The following BEND6 variants were observed in gnomAD, a reference collection of about 807,000 sequenced individuals.
BEND6 encodes the protein BEN domain-containing protein 6.
BEND6 carries 24 observed loss-of-function variants against 31.8 expected under a neutral mutation model. The observed-to-expected ratio is 0.75, with a 90% confidence interval of 0.55 to 1.06. The LOEUF (loss-of-function observed/expected upper bound fraction) is 1.06. Among genes scored for constraint, BEND6 ranks in the 50% least tolerant of loss-of-function variants. The pLI, the probability that BEND6 is intolerant of heterozygous loss-of-function variation, is 0.00. For synonymous variants in BEND6, 109 were observed against 114.6 expected, an observed-to-expected ratio of 0.95 and a Z score of 0.31; for missense variants, 294 against 327.4, an observed-to-expected ratio of 0.90 and a Z score of 0.79.
chr6:56,993,400 G>A lies in BEND6; in HGVS notation c.298+845G>A, dbSNP rs142616865. ...GAATGAGTACAAGTGGTACAAGAAA[G>A]TGAGGCAGAACCACCAGAAAGGCCA... On this transcript the variant is annotated intron_variant, in intron 3 of 6. Coordinates refer to ENST00000370746, the MANE Select transcript of BEND6 (RefSeq NM_152731.3). Among the ~76,000 whole-genome samples the A allele has an allele frequency of 3.3e-5, 5 of 152,324 alleles. No individual in the cohort carries two copies. The East Asian group carries it at 9.7e-4, about 29-fold the overall frequency.
intron 1 of BEND6, among the ~76,000 whole-genome samples, chr6:56,960,441 A>C (rs1270670217): frequency 6.6e-6 from 1 of 152,190 alleles, no homozygotes; most frequent in Non-Finnish European, 1.5e-5. Context: ...AAAGATAAAA[A>C]AGTAAGGTAG....
At chr6:57,010,196 C>G (rs1827297970) in intron 3 of BEND6, 1 of 152,146 alleles carries the variant, frequency 6.6e-6, no homozygotes, top group Non-Finnish European at 1.5e-5. Flanking sequence ...GAGAATATGT[C>G]AAATACCACC....
chr6:57,018,536 G>A lies in BEND6; in HGVS notation c.828G>A (p.Gln276=), dbSNP rs768165447. ...KPNLSKNLNS[Q]DIK ...ATTTAAGCAAAAATCTTAACTCTCA[G>A]GATATTAAATAGATCCTTTTGGTAA... Residue 276 remains glutamine (Q), a synonymous_variant, in exon 6 of 7, where the codon CAG becomes CAA. Transcript: ENST00000370746. 3 of 1,561,494 alleles carry A rather than the reference G, an allele frequency of 1.9e-6. No individual in the cohort carries two copies. The highest frequency in any genetic ancestry group is 2.1e-5 in the Admixed American group (1 of 48,094).
intron 3 of BEND6, among the ~76,000 whole-genome samples, chr6:57,000,126 A>G (rs374315977): frequency 4.7e-4 from 72 of 152,182 alleles, no homozygotes; most frequent in Middle Eastern, 3.4e-3. Context: ...CATGATGATG[A>G]TGGCGGTTTT....
At chr6:56,971,526 A>C (rs1048021516) in intron 1 of BEND6, among the ~76,000 whole-genome samples, 31 of 152,218 alleles carry the variant, frequency 2.0e-4, no homozygotes, top group Admixed American at 1.0e-3. Context: ...TTTTATTTTT[A>C]ATTTTTCTAG....
intron 2 of BEND6, among the ~76,000 whole-genome samples, chr6:56,988,675 C>T (rs1217787839): frequency 1.3e-5 from 2 of 152,190 alleles, no homozygotes; most frequent in African/African-American, 2.4e-5. Flanking sequence ...CTACCCCATT[C>T]CCTGCCTGCC....
chr6:57,016,346 A>G (rs1269416893), intron 4 of BEND6, among the ~76,000 whole-genome samples: 3 of 152,194 alleles, frequency 2.0e-5, no homozygotes, highest in African/African-American at 7.2e-5. Flanking sequence ...AGTGATTTCA[A>G]ATGACCCAAA....
At chr6:56,959,226 C>T (rs1825204225) in intron 1 of BEND6, among the ~76,000 whole-genome samples, 1 of 152,158 alleles carries the variant, frequency 6.6e-6, no homozygotes, top group Non-Finnish European at 1.5e-5. Context: ...AAAATTGAGC[C>T]TGACTAGTTA....
chr6:56,997,916 G>A (rs1180636180), intron 3 of BEND6, among the ~76,000 whole-genome samples: 2 of 151,992 alleles, frequency 1.3e-5, no homozygotes, highest in African/African-American at 4.8e-5. Flanking sequence ...TCTAAATACC[G>A]AGAAAACTCA....
intron 6 of BEND6, among the ~76,000 whole-genome samples, chr6:57,022,074 C>T (rs1827761108): frequency 1.3e-5 from 2 of 151,616 alleles, no homozygotes; most frequent in African/African-American, 2.4e-5. Flanking sequence ...TTTGTTGTGC[C>T]CTTCTCTGGT....
At chr6:57,022,308 C>A (rs910715643) in intron 6 of BEND6, among the ~76,000 whole-genome samples, 1 of 151,478 alleles carries the variant, frequency 6.6e-6, no homozygotes, top group Non-Finnish European at 1.5e-5. Context: ...CTTGTTACTC[C>A]CTATTGATTT....
intron 1 of BEND6, among the ~76,000 whole-genome samples, chr6:56,962,642 A>G (rs540172539): frequency 1.3e-5 from 2 of 152,300 alleles, no homozygotes; most frequent in South Asian, 4.1e-4. Flanking sequence ...GTCTGTGGTC[A>G]TTTGTAATGA....
At chr6:57,013,312 G>T (rs1490338322) in intron 3 of BEND6, among the ~76,000 whole-genome samples, 1 of 152,156 alleles carries the variant, frequency 6.6e-6, no homozygotes, top group Non-Finnish European at 1.5e-5. Flanking sequence ...AAGAAAGAGG[G>T]CAGAGTCTGG....
intron 6 of BEND6, among the ~76,000 whole-genome samples, chr6:57,024,074 A>T (rs1261802872): frequency 6.6e-6 from 1 of 152,242 alleles, no homozygotes; most frequent in African/African-American, 2.4e-5. Flanking sequence ...AAAAAACTTT[A>T]TAAAGGGGTT....
intron 1 of BEND6, among the ~76,000 whole-genome samples, chr6:56,958,892 G>A (rs1355323930): frequency 6.6e-6 from 1 of 152,152 alleles, no homozygotes; most frequent in Non-Finnish European, 1.5e-5. Flanking sequence ...GCTAAAACCA[G>A]ACATTAATGA....
intron 1 of BEND6, among the ~76,000 whole-genome samples, chr6:56,961,518 AT>A (rs2127837552): frequency 6.6e-6 from 1 of 152,278 alleles, no homozygotes; most frequent in East Asian, 1.9e-4. Context: ...GACTTCTGTT[AT>A]GGAAAGAAGG....
intron 2 of BEND6, among the ~76,000 whole-genome samples, chr6:56,985,010 C>CT (rs537879331): frequency 2.3e-3 from 353 of 152,322 alleles, no homozygotes; most frequent in African/African-American, 7.8e-3. Flanking sequence ...TCCATGTCTG[C>CT]TTGCACACTG....
intron 1 of BEND6, among the ~76,000 whole-genome samples, chr6:56,972,094 T>C (rs1391894849): frequency 7.4e-6 from 1 of 135,940 alleles, no homozygotes; most frequent in African/African-American, 2.7e-5. Context: ...TTCTTTTTTT[T>C]TTTTTTTTTT....
intron 2 of BEND6, among the ~76,000 whole-genome samples, chr6:56,991,046 G>T (rs1296510418): frequency 6.6e-6 from 1 of 152,006 alleles, no homozygotes; most frequent in Non-Finnish European, 1.5e-5. Context: ...GCAATCTAAT[G>T]AAAACAATAT....
Sources: allele counts gnomAD v4.1 joint callset (sites outside exome capture counted in the v4.1 genomes callset), GRCh38; gene constraint gnomAD v4.1.1; transcripts MANE v1.5; gene names NCBI Gene and HGNC (gene_info 2026-07-23, HGNC 2026-07-21).